The following NCAPG2 variants were observed in gnomAD, a reference collection of about 807,000 sequenced individuals.
NCAPG2 encodes the protein condensin-2 complex subunit G2.
A neutral mutation model predicts 141.1 loss-of-function variants in NCAPG2; 53 were observed. The observed-to-expected ratio is 0.38, with a 90% CI of 0.30 to 0.47. NCAPG2 has a LOEUF of 0.47. Ranked by LOEUF, NCAPG2 falls within the 20% of genes least tolerant of loss-of-function variation. The probability of loss-of-function intolerance (pLI) is 0.99; values close to 1 mark genes in which losing one functional copy is unlikely to be tolerated. For missense variants in NCAPG2, 1,087 were observed against 1,389.0 expected (o/e 0.78, Z 3.46); for synonymous variants, 499 against 490.7 (o/e 1.02, Z -0.22).
At chr7:158,702,823 C>A (rs879321655) in intron 1 of NCAPG2, among the ~76,000 whole-genome samples, 1 of 152,036 alleles carries the variant, frequency 6.6e-6, no homozygotes, top group Non-Finnish European at 1.5e-5. Context: ...TAATGACTCC[C>A]GAAATAAGTT....
chr7:158,693,178 C>A, intron 3 of NCAPG2, 131 bp downstream of exon 3: 1 of 1,025,584 alleles, frequency 9.8e-7, no homozygotes, highest in East Asian at 2.6e-5. Context: ...CTACAACAGA[C>A]TAAACTTCTA....
intron 27 of NCAPG2, among the ~76,000 whole-genome samples, chr7:158,642,784 T>C (rs1391182719): frequency 6.6e-6 from 1 of 152,012 alleles, no homozygotes; most frequent in Non-Finnish European, 1.5e-5. Flanking sequence ...TAAATTAATA[T>C]ACTTGAAAAT....
intron 4 of NCAPG2, among the ~76,000 whole-genome samples, chr7:158,690,924 T>C (rs930059713): frequency 1.3e-5 from 2 of 152,220 alleles, no homozygotes; most frequent in African/African-American, 4.8e-5. Context: ...TTGACGATTG[T>C]TATAAAAAGA....
At chr7:158,664,078 C>T in intron 15 of NCAPG2, 106 bp downstream of exon 15, 1 of 882,132 alleles carries the variant, frequency 1.1e-6, no homozygotes, top group Non-Finnish European at 1.8e-6. Context: ...GTTTAATTAA[C>T]AATACTAAAG....
intron 11 of NCAPG2, among the ~76,000 whole-genome samples, chr7:158,677,762 T>C (rs1563557040): frequency 1.3e-5 from 2 of 152,178 alleles, no homozygotes; most frequent in Non-Finnish European, 2.9e-5. Flanking sequence ...TGACAGCACA[T>C]GACTTGCAAT....
At chr7:158,680,879 G>C in intron 9 of NCAPG2, 63 bp from the exon 10 acceptor site, 1 of 1,270,872 alleles carries the variant, frequency 7.9e-7, no homozygotes, top group Non-Finnish European at 1.1e-6. Flanking sequence ...AAATAAAATG[G>C]CATTTGGAAA....
chr7:158,638,347 C>T (rs773040153), intron 27 of NCAPG2, among the ~76,000 whole-genome samples: 2 of 152,192 alleles, frequency 1.3e-5, no homozygotes, highest in Non-Finnish European at 2.9e-5. Context: ...TCAAGCAATC[C>T]TCCCACCTCA....
intron 27 of NCAPG2, chr7:158,641,505 G>A (rs1285147829): frequency 2.9e-6 from 2 of 685,076 alleles, no homozygotes; most frequent in Admixed American, 4.2e-5. Flanking sequence ...ATTGAGTCCA[G>A]GAGTCCAGGA....
chr7:158,651,818 A>T (rs1050675192), intron 23 of NCAPG2, among the ~76,000 whole-genome samples: 1 of 152,222 alleles, frequency 6.6e-6, no homozygotes, highest in African/African-American at 2.4e-5. Context: ...CAGGGAGGTA[A>T]CTCATGACAG....
At chr7:158,649,378 A>G (rs1831307560) in intron 24 of NCAPG2, among the ~76,000 whole-genome samples, 1 of 152,246 alleles carries the variant, frequency 6.6e-6, no homozygotes, top group Non-Finnish European at 1.5e-5. Flanking sequence ...CTTTGTGGGC[A>G]GAGTTGCAAT....
intron 17 of NCAPG2, among the ~76,000 whole-genome samples, chr7:158,657,697 T>C (rs956455298): frequency 6.6e-6 from 1 of 152,198 alleles, no homozygotes; most frequent in East Asian, 1.9e-4. Flanking sequence ...AATGGCGGTT[T>C]TGTGGAATGG....
chr7:158,693,972 G>A (rs1044300068), intron 2 of NCAPG2, among the ~76,000 whole-genome samples: 17 of 152,034 alleles, frequency 1.1e-4, no homozygotes, highest in Admixed American at 3.9e-4. Context: ...ATGACCTCAC[G>A]TACTCTTTGA....
At chr7:158,671,707 T>C (rs1378031727) in intron 12 of NCAPG2, 41 bp from the exon 13 acceptor site, 2 of 1,603,234 alleles carry the variant, frequency 1.2e-6, no homozygotes, top group Non-Finnish European at 1.7e-6. Flanking sequence ...AATCAGAACA[T>C]GCCAATGAAA....
At chr7:158,660,468 T>G (rs1333718501) in intron 16 of NCAPG2, among the ~76,000 whole-genome samples, 1 of 142,340 alleles carries the variant, frequency 7.0e-6, no homozygotes, top group East Asian at 2.2e-4. Flanking sequence ...AGGGCTGGAG[T>G]GAGTGCAGTA....
At chr7:158,664,812 C>A in intron 13 of NCAPG2, 62 bp from the exon 14 acceptor site, 1 of 1,412,916 alleles carries the variant, frequency 7.1e-7, no homozygotes, top group Non-Finnish European at 9.6e-7. Flanking sequence ...CTGGAAACAG[C>A]TTAAGAAAAA....
chr7:158,644,493 TC>T, intron 26 of NCAPG2, 105 bp from the exon 27 acceptor site: 1 of 932,460 alleles, frequency 1.1e-6, no homozygotes, highest in East Asian at 2.4e-5. Context: ...GGCCTCCCTA[TC>T]CTTCCCTTTG....
intron 27 of NCAPG2, among the ~76,000 whole-genome samples, chr7:158,632,635 T>C (rs1278120822): frequency 6.6e-6 from 1 of 152,256 alleles, no homozygotes; most frequent in Non-Finnish European, 1.5e-5. Flanking sequence ...CATGTCTACC[T>C]GGTCTTCACC....
intron 22 of NCAPG2, among the ~76,000 whole-genome samples, chr7:158,654,315 G>A (rs1471157342): frequency 1.3e-5 from 2 of 152,140 alleles, no homozygotes; most frequent in Non-Finnish European, 2.9e-5. Context: ...ATAGCCACTA[G>A]CCCAATCCAC....
intron 10 of NCAPG2, 116 bp downstream of exon 10, chr7:158,680,605 C>T (rs969521911): frequency 1.4e-5 from 8 of 570,458 alleles, no homozygotes; most frequent in Non-Finnish European, 2.2e-5. Context: ...TTTCAGAAAG[C>T]ATTCAGTCTT....
Sources: allele counts gnomAD v4.1 joint callset (sites outside exome capture counted in the v4.1 genomes callset), GRCh38; gene constraint gnomAD v4.1.1; transcripts MANE v1.5; gene names NCBI Gene and HGNC (gene_info 2026-07-23, HGNC 2026-07-21).